Variants in HMGCLL1 observed in about 807,000 individuals in gnomAD.
The protein encoded by HMGCLL1 is 3-hydroxymethyl-3-methylglutaryl-CoA lyase, cytoplasmic.
A neutral mutation model predicts 39.1 loss-of-function variants in HMGCLL1; 36 were observed. The observed-to-expected ratio is 0.92, with a 90% confidence interval of 0.71 to 1.22. The LOEUF is 1.22. HMGCLL1 is among the 50% of genes most tolerant of loss of function. The pLI is 0.00. For missense variants in HMGCLL1, 451 were observed against 416.5 expected (o/e 1.08, Z -0.72); for synonymous variants, 149 against 144.0 (o/e 1.03, Z -0.25).
At chr6:55,475,269 G>C (rs1252612959) in intron 7 of HMGCLL1, among the ~76,000 whole-genome samples, 1 of 151,430 alleles carries the variant, frequency 6.6e-6, no homozygotes, top group Non-Finnish European at 1.5e-5. Flanking sequence ...TCCTTGCCAG[G>C]GTCACAGAAA....
the HMGCLL1 span, among the ~76,000 whole-genome samples, chr6:55,637,759 T>C: frequency 6.6e-6 from 1 of 151,724 alleles, no homozygotes; most frequent in African/African-American, 2.4e-5. Context: ...TGTGTGTCTG[T>C]GTGTGTGTGT....
At chr6:55,644,780 A>G in the HMGCLL1 span, among the ~76,000 whole-genome samples, 2 of 151,984 alleles carry the variant, frequency 1.3e-5, no homozygotes, top group African/African-American at 4.8e-5. Context: ...TGCCAGTACC[A>G]TGCTGTTTTG....
chr6:55,531,987 G>A (rs1015406631), intron 3 of HMGCLL1, among the ~76,000 whole-genome samples: 3 of 151,976 alleles, frequency 2.0e-5, no homozygotes, highest in Non-Finnish European at 2.9e-5. Flanking sequence ...CATAGTAAAC[G>A]TAATGCACTT....
chr6:55,660,833 C>G, the HMGCLL1 span, among the ~76,000 whole-genome samples: 65 of 151,936 alleles, frequency 4.3e-4, no homozygotes, highest in East Asian at 0.012. Flanking sequence ...TTTACACTAC[C>G]GCCAATGGAT....
the HMGCLL1 span, among the ~76,000 whole-genome samples, chr6:55,599,022 C>T: frequency 6.6e-6 from 1 of 152,116 alleles, no homozygotes; most frequent in Non-Finnish European, 1.5e-5. Flanking sequence ...AACAGAAAAC[C>T]AAACACCGTA....
the HMGCLL1 span, among the ~76,000 whole-genome samples, chr6:55,605,869 C>A: frequency 6.6e-6 from 1 of 152,054 alleles, no homozygotes; most frequent in African/African-American, 2.4e-5. Context: ...TTACGTAGAC[C>A]TTAGGGCCAT....
chr6:55,446,162 T>C (rs1763821640), intron 7 of HMGCLL1, among the ~76,000 whole-genome samples: 1 of 151,518 alleles, frequency 6.6e-6, no homozygotes, highest in South Asian at 2.1e-4. Context: ...GAGAAGTAGC[T>C]TATGACTATC....
intron 5 of HMGCLL1, among the ~76,000 whole-genome samples, chr6:55,505,227 T>C (rs1033275274): frequency 2.4e-4 from 36 of 151,646 alleles, no homozygotes; most frequent in Non-Finnish European, 4.9e-4. Flanking sequence ...AATTATCCCA[T>C]GTTCCTCCAA....
the HMGCLL1 span, among the ~76,000 whole-genome samples, chr6:55,655,380 G>A: frequency 6.7e-6 from 1 of 149,256 alleles, no homozygotes; most frequent in South Asian, 2.1e-4. Context: ...TTATTTTAAG[G>A]TAAATCCTGT....
At chr6:55,668,446 G>T in the HMGCLL1 span, among the ~76,000 whole-genome samples, 1 of 151,854 alleles carries the variant, frequency 6.6e-6, no homozygotes, top group Non-Finnish European at 1.5e-5. Flanking sequence ...TAGGGGCTCT[G>T]GTTCTGGGTA....
At chr6:55,555,160 C>T (rs1770583041) in intron 1 of HMGCLL1, among the ~76,000 whole-genome samples, 1 of 152,170 alleles carries the variant, frequency 6.6e-6, no homozygotes, top group Non-Finnish European at 1.5e-5. Context: ...ATGATGCCTT[C>T]TCCCACTCAT....
At chr6:55,559,097 G>A (rs1770813032) in intron 1 of HMGCLL1, among the ~76,000 whole-genome samples, 1 of 152,146 alleles carries the variant, frequency 6.6e-6, no homozygotes, top group African/African-American at 2.4e-5. Context: ...GGGAACGCCA[G>A]TCTAAAGAGA....
At chr6:55,633,163 C>A in the HMGCLL1 span, among the ~76,000 whole-genome samples, 1 of 152,046 alleles carries the variant, frequency 6.6e-6, no homozygotes, top group Non-Finnish European at 1.5e-5. Context: ...AGCCTCAAGG[C>A]ATATGTCATT....
At chr6:55,477,438 T>TAA (rs1561905524) in intron 7 of HMGCLL1, among the ~76,000 whole-genome samples, 131 of 48,732 alleles carry the variant, frequency 2.7e-3, no homozygotes, top group African/African-American at 4.7e-3. Context: ...ATATTATATA[T>TAA]TATATATATA....
At chr6:55,474,144 T>C (rs1765176025) in intron 7 of HMGCLL1, among the ~76,000 whole-genome samples, 1 of 151,586 alleles carries the variant, frequency 6.6e-6, no homozygotes, top group Non-Finnish European at 1.5e-5. Context: ...TATGGGTTCA[T>C]GGCTGTCATT....
At chr6:55,605,971 T>C in the HMGCLL1 span, among the ~76,000 whole-genome samples, 2 of 152,206 alleles carry the variant, frequency 1.3e-5, no homozygotes, top group South Asian at 4.1e-4. Context: ...TTTTTTGAAA[T>C]GGATGTAATA....
At chr6:55,674,440 T>A in the HMGCLL1 span, among the ~76,000 whole-genome samples, 1 of 151,740 alleles carries the variant, frequency 6.6e-6, no homozygotes, top group East Asian at 1.9e-4. Flanking sequence ...TCAATTTAAT[T>A]TAGGTCATTG....
chr6:55,627,517 G>C, the HMGCLL1 span, among the ~76,000 whole-genome samples: 1 of 151,904 alleles, frequency 6.6e-6, no homozygotes, highest in African/African-American at 2.4e-5. Context: ...GGTTAATACC[G>C]AGTGTCAACT....
At chr6:55,610,284 C>A in the HMGCLL1 span, among the ~76,000 whole-genome samples, 1 of 151,432 alleles carries the variant, frequency 6.6e-6, no homozygotes, top group African/African-American at 2.4e-5. Context: ...CTAAGTACCA[C>A]GATAAAAGGT....
Sources: gnomAD v4.1 joint callset for allele counts (sites outside exome capture counted in the v4.1 genomes callset) on GRCh38, gnomAD v4.1.1 for gene constraint, MANE v1.5 for transcripts, NCBI Gene and HGNC (gene_info 2026-07-23, HGNC 2026-07-21) for gene names.